TUT1: variants seen among roughly 807,000 people sequenced by gnomAD.
TUT1 encodes the protein terminal uridylyl transferase 1, U6 snRNA-specific.
TUT1 carries 26 observed loss-of-function variants against 48.8 expected under a neutral mutation model. The observed-to-expected ratio is 0.53, with a 90% CI of 0.39 to 0.74. The LOEUF (loss-of-function observed/expected upper bound fraction) is 0.74. TUT1 is among the 30% of genes least tolerant of loss of function. The pLI is 0.00. For missense variants in TUT1, 1,065 were observed against 1,114.8 expected (o/e 0.96, Z 0.64); for synonymous variants, 470 against 460.8 (o/e 1.02, Z -0.26).
rs1941775487 is a variant in TUT1 at position 62,578,811 on chromosome 11, A to G, written c.910T>C (p.Ser304Pro). 1.9e-6 allele frequency: 3 copies of G among 1,613,866 alleles called. No individual in the cohort carries two copies. The highest frequency in any genetic ancestry group is 2.5e-6 in the Non-Finnish European group (3 of 1,179,964). ...AGCAGTGGTGAAGCTGGAGGCAGAGACTGGGGAGAAGCAAGGGTCTCGGAG... is the reference window on the plus strand; with the variant it reads ...AGCAGTGGTGAAGCTGGAGGCAGAGGCTGGGGAGAAGCAAGGGTCTCGGAG... ...LASETLASPQ[S>P]LPPASPLLED... The change falls in exon 5 of 9, where the codon TCT becomes CCT. Residue 304 changes from serine to proline, a missense_variant. Physicochemically the swap from Ser to Pro is moderately conservative, Grantham distance 74. Transcript: ENST00000476907.
chr11:62,590,207 G>T (rs1941986267), intron 1 of TUT1, among the ~76,000 whole-genome samples: 1 of 152,200 alleles, frequency 6.6e-6, no homozygotes, highest in African/African-American at 2.4e-5. Flanking sequence ...GACTTCAAAA[G>T]TAGGGCTGGG....
chr11:62,588,760 T>C (rs137890940), intron 2 of TUT1, among the ~76,000 whole-genome samples: 1 of 152,330 alleles, frequency 6.6e-6, no homozygotes, highest in African/African-American at 2.4e-5. Context: ...AGTGGCACGA[T>C]CTCAGCTTGC....
chr11:62,575,759 G>T lies in TUT1; in HGVS notation c.1960C>A (p.Gln654Lys). 6.2e-7 allele frequency: 1 copy of T among 1,614,098 alleles called. No homozygotes were observed. Among genetic ancestry groups the T allele is most frequent in the Middle Eastern group, 1.6e-4 (1 of 6,062 alleles). ...SEGGGTGESSQGGTSKRLKVD... is the reference protein window; with the variant it reads ...SEGGGTGESSKGGTSKRLKVD... ...TTGAGTCTTTTGCTTGTCCCTCCCT[G>T]AGAGGACTCCCCAGTTCCACCTCCT... Residue 654 changes from glutamine to lysine, a missense_variant, in exon 9 of 9, where the codon CAG becomes AAG. Transcript: ENST00000476907.
chr11:62,581,472 C>G lies in TUT1; in HGVS notation c.503G>C (p.Gly168Ala). Residue 168 changes from glycine (G) to alanine (A), a missense_variant, in exon 3 of 9, where the codon GGG becomes GCG. By Grantham distance (60) the Gly-to-Ala change is moderately conservative (BLOSUM62 0). Transcript: ENST00000476907. ...DVGAQMIKLV[G>A]LRELSEAERQ... ...CTCGGCCTCGGACAACTCCCTCAGC[C>G]CCACAAGCTTTATCATTTGTGCCCC... The G allele has an allele frequency of 6.2e-7, 1 of 1,614,176 alleles. No individual in the cohort carries two copies.
intron 2 of TUT1, among the ~76,000 whole-genome samples, chr11:62,586,735 G>A (rs1190825691): frequency 6.6e-6 from 1 of 151,962 alleles, no homozygotes; most frequent in African/African-American, 2.4e-5. Context: ...GGCGAACATG[G>A]TGAAACCTGG....
In TUT1 at chr11:62,578,561, C is replaced by T. The variant is rs1468672690; in HGVS notation, c.1160G>A (p.Arg387Gln). Residue 387 changes from arginine to glutamine, a missense_variant and splice_region_variant, in exon 5 of 9, where the codon CGG becomes CAG. By Grantham distance (43) the Arg-to-Gln change is conservative. Transcript: ENST00000476907. The part of the protein sequence containing the change: ...GLHGDVSLSN[R>Q]LALHNSRFLS... ...GTCGTCTCAAAAAAAAGAAAGGTACCGGTTACTGAGGGAGACATCACCGTG... is the reference window on the plus strand; with the variant it reads ...GTCGTCTCAAAAAAAAGAAAGGTACTGGTTACTGAGGGAGACATCACCGTG... 3 of 1,586,736 alleles carry T rather than the reference C, an allele frequency of 1.9e-6. No individual in the cohort carries two copies. The highest frequency in any genetic ancestry group is 1.4e-5 in the African/African-American group (1 of 73,712).
At position 62,578,990 on chromosome 11, in the gene TUT1, G is replaced by A; in HGVS notation, c.731C>T (p.Ala244Val). 6.6e-7 allele frequency: 1 copy of A among 1,518,164 alleles called. No individual in the cohort carries two copies. The highest frequency in any genetic ancestry group is 8.8e-7 in the Non-Finnish European group (1 of 1,134,688). 94.0% of individuals were successfully genotyped at this position (1,518,164 alleles called of 1,614,324 possible). The change falls in exon 5 of 9, where the codon GCC becomes GTC. Residue 244 changes from alanine (A) to valine (V), a missense_variant. Physicochemically the swap from Ala to Val is moderately conservative, Grantham distance 64. Coordinates refer to ENST00000476907, the MANE Select transcript of TUT1 (RefSeq NM_022830.3). ...TTGAGGGTCCAGTGGGGAAGCCAGG[G>A]CCGAGTCCAGCGATGGAGATTCTGG... is the stretch of plus-strand genomic sequence containing the variant. ...KAPESPSLDS[A>V]LASPLDPQAL...
intron 2 of TUT1, among the ~76,000 whole-genome samples, chr11:62,587,105 A>AC (rs1345295757): frequency 1.3e-5 from 2 of 151,306 alleles, no homozygotes; most frequent in South Asian, 2.1e-4. Flanking sequence ...AAAAAAAAAA[A>AC]AAAAAAGGAA....
intron 4 of TUT1, among the ~76,000 whole-genome samples, chr11:62,579,602 T>C (rs763795425): frequency 1.1e-4 from 17 of 151,746 alleles, no homozygotes; most frequent in Non-Finnish European, 2.5e-4. Flanking sequence ...AGCAGGCATA[T>C]AGAAACTACT....
At position 62,589,867 on chromosome 11, in the gene TUT1, AC is replaced by A. The variant is rs1255898717; in HGVS notation, c.83-647del. Reference sequence around the variant, plus strand: ...CCAAGTTCAAATCCCAGCTCTGTCAACCTGTGTGAGACCTTGGTCAAGTTAT... The same window carrying A: ...CCAAGTTCAAATCCCAGCTCTGTCAACTGTGTGAGACCTTGGTCAAGTTAT... On this transcript the variant is annotated intron_variant, in intron 1 of 8. Transcript: ENST00000476907. Among the ~76,000 whole-genome samples the A allele has an allele frequency of 2.6e-5, 4 of 152,342 alleles. No homozygotes were observed. The East Asian group carries it at 7.7e-4, about 29-fold the overall frequency.
intron 8 of TUT1, 90 bp from the exon 9 acceptor site, chr11:62,576,334 C>G (rs1287443642): frequency 7.1e-7 from 1 of 1,416,860 alleles, no homozygotes; most frequent in Non-Finnish European, 9.3e-7. Flanking sequence ...CTTAGCAGGA[C>G]TTTTTCCCTT....
chr11:62,577,007 G>A lies in TUT1; in HGVS notation c.1281C>T (p.Pro427=), dbSNP rs1376323513. 1.9e-6 allele frequency: 3 copies of A among 1,613,828 alleles called. No homozygotes were observed. The highest frequency in any genetic ancestry group is 1.3e-5 in the African/African-American group (1 of 74,888). The change falls in exon 7 of 9, where the codon CCC becomes CCT. Residue 427 remains proline, a synonymous_variant. Transcript: ENST00000476907. ...AQGRGLSGSG[P]LLSNYALTLL... ...AGGTCAGGGCGTAGTTACTGAGAAG[G>A]GGGCCACTCCCTGGGTAAATAAGCA...
chr11:62,589,197 C>T lies in TUT1; in HGVS notation c.107G>A (p.Gly36Glu), dbSNP rs892350135. ...ANRPSLDAHL[G>E]GRKHRHLVEL... ...TACCAGGTGCCGGTGCTTTCTGCCT[C>T]CCAAGTGGGCATCAAGGCTGGGTCC... The change falls in exon 2 of 9, where the codon GGA (glycine) becomes GAA (glutamate). Residue 36 changes from glycine (G) to glutamate (E), a missense_variant. Gly to Glu is a moderately conservative substitution (Grantham distance 98). Coordinates refer to ENST00000476907, the MANE Select transcript of TUT1 (RefSeq NM_022830.3). The T allele has an allele frequency of 6.2e-7, 1 of 1,614,054 alleles. No individual in the cohort carries two copies. The highest frequency in any genetic ancestry group is 1.3e-5 in the African/African-American group (1 of 74,930).
chr11:62,578,893 C>T lies in TUT1; in HGVS notation c.828G>A (p.Leu276=). 1.7e-5 allele frequency: 28 copies of T among 1,601,864 alleles called. No homozygotes were observed. The highest frequency in any genetic ancestry group is 2.4e-5 in the Non-Finnish European group (28 of 1,173,638). The change falls in exon 5 of 9, where the codon CTG becomes CTA. Residue 276 remains leucine (L), a synonymous_variant. Coordinates refer to ENST00000476907, the MANE Select transcript of TUT1 (RefSeq NM_022830.3). ...GGGAGGAGGAAGGGGTTTCAAAGTC[C>T]AGGGCTTCAGAATCCTGGGGAGAAG... ...PPASPQDSEA[L]DFETPSSSLA...
Position 62,578,812 on chromosome 11 carries a change from CTG to C in TUT1, c.907_908del (p.Gln303ValfsTer78), listed in dbSNP as rs1941775617. ...GCAGTGGTGAAGCTGGAGGCAGAGACTGGGGAGAAGCAAGGGTCTCGGAGGCC... is the reference window on the plus strand; with the variant it reads ...GCAGTGGTGAAGCTGGAGGCAGAGACGGGAGAAGCAAGGGTCTCGGAGGCC... The part of the protein sequence containing the change: ...ALASETLASP[Q>X]SLPPASPLLE... On this transcript the variant is annotated frameshift_variant, in exon 5 of 9. Transcript: ENST00000476907. LOFTEE classifies it high-confidence loss of function. 6.2e-7 allele frequency: 1 copy of C among 1,614,112 alleles called. No homozygotes were observed. The highest frequency in any genetic ancestry group is 8.5e-7 in the Non-Finnish European group (1 of 1,180,022).
chr11:62,591,517 C>A lies in TUT1; in HGVS notation c.-32G>T. 6.2e-7 allele frequency: 1 copy of A among 1,613,512 alleles called. No individual in the cohort carries two copies. The highest frequency in any genetic ancestry group is 1.3e-5 in the African/African-American group (1 of 75,014). On this transcript the variant is annotated 5_prime_UTR_variant, in exon 1 of 9. Transcript: ENST00000476907. ...TCTCCTGTACCGACAAAAACACAAG[C>A]ACCTCTGCCACCACCGGAACCCACT...
chr11:62,586,615 C>T (rs939861155), intron 2 of TUT1, among the ~76,000 whole-genome samples: 2 of 151,958 alleles, frequency 1.3e-5, no homozygotes, highest in Non-Finnish European at 2.9e-5. Context: ...CCTGTCTCTA[C>T]TAAAAATACA....
chr11:62,577,361 C>G, intron 5 of TUT1, 70 bp from the exon 6 acceptor site: 1 of 1,248,416 alleles, frequency 8.0e-7, no homozygotes, highest in Non-Finnish European at 1.1e-6. Context: ...AGCTTTCATT[C>G]CAGACTTGCA....
At chr11:62,583,751 G>A (rs1010529249) in intron 2 of TUT1, among the ~76,000 whole-genome samples, 2 of 152,152 alleles carry the variant, frequency 1.3e-5, no homozygotes, top group African/African-American at 2.4e-5. Flanking sequence ...AAGACAGAGT[G>A]GTGCTAGCAT....
Sources: gnomAD v4.1 joint callset for allele counts (sites outside exome capture counted in the v4.1 genomes callset) on GRCh38, gnomAD v4.1.1 for gene constraint, MANE v1.5 for transcripts, NCBI Gene and HGNC (gene_info 2026-07-23, HGNC 2026-07-21) for gene names.